The following PATJ variants were observed in gnomAD, a reference collection of about 807,000 sequenced individuals.
PATJ encodes the protein PATJ crumbs cell polarity complex component, also known as inaD-like protein.
Under a neutral mutation model 224.9 loss-of-function variants are expected in PATJ, and 190 were observed. That is an observed-to-expected ratio of 0.84 (90% CI 0.75 to 0.95). PATJ has a LOEUF of 0.95. Among genes scored for constraint, PATJ ranks in the 40% least tolerant of loss-of-function variants. The pLI, the probability that PATJ is intolerant of heterozygous loss-of-function variation, is 0.00. For missense variants in PATJ, 2,121 were observed against 2,270.3 expected (o/e 0.93, Z 1.34); for synonymous variants, 769 against 820.3 (o/e 0.94, Z 1.07).
chr1:62,038,026 T>C lies in PATJ; in HGVS notation c.4009T>C (p.Ser1337Pro), dbSNP rs1650768536. The change falls in exon 30 of 44, where the codon TCA (serine) becomes CCA (proline). Residue 1337 changes from serine to proline, a missense_variant. Coordinates refer to ENST00000642238, the MANE Select transcript of PATJ (RefSeq NM_001350145.3). Reference sequence around the variant, plus strand: ...GGCCGTTACTCCCTTTCCAGTGCCATCAAGTTCTCCATCTTCTATTGAGGT... The same window carrying C: ...GGCCGTTACTCCCTTTCCAGTGCCACCAAGTTCTCCATCTTCTATTGAGGT... ...QMAVTPFPVPSSSPSSIEDQS... is the reference protein window; with the variant it reads ...QMAVTPFPVPPSSPSSIEDQS... The C allele has an allele frequency of 1.3e-6, 2 of 1,597,784 alleles. No individual in the cohort carries two copies. Among genetic ancestry groups the C allele is most frequent in the African/African-American group, 2.7e-5 (2 of 74,466 alleles).
intron 41 of PATJ, among the ~76,000 whole-genome samples, chr1:62,131,205 A>T (rs1375941535): frequency 6.6e-6 from 1 of 152,164 alleles, no homozygotes; most frequent in South Asian, 2.1e-4. Flanking sequence ...GTGGAAACCT[A>T]CACAGTTAAC....
At position 61,808,496 on chromosome 1, in the gene PATJ, T is replaced by A; in HGVS notation, c.1649T>A (p.Ile550Asn). Reference sequence around the variant, plus strand: ...TAGGTTGCTACTTTGGACACACAGATTGCAGATGATGCTGAGTTACAGAAA... The same window carrying A: ...TAGGTTGCTACTTTGGACACACAGAATGCAGATGATGCTGAGTTACAGAAA... ...EVMVATLDTQ[I>N]ADDAELQKYS... Residue 550 changes from isoleucine to asparagine, a missense_variant, in exon 14 of 44, where the codon ATT (isoleucine) becomes AAT (asparagine). Coordinates refer to ENST00000642238, the MANE Select transcript of PATJ (RefSeq NM_001350145.3). 6.2e-7 allele frequency: 1 copy of A among 1,608,416 alleles called. No individual in the cohort carries two copies. The highest frequency in any genetic ancestry group is 8.5e-7 in the Non-Finnish European group (1 of 1,175,640).
intron 34 of PATJ, 65 bp from the exon 35 acceptor site, chr1:62,113,979 AAGGAGATTC>A: frequency 7.0e-7 from 1 of 1,425,116 alleles, no homozygotes; most frequent in Non-Finnish European, 9.7e-7. Context: ...TGGTTAGATC[AAGGAGATTC>A]AGCAGACAGA....
intron 14 of PATJ, among the ~76,000 whole-genome samples, chr1:61,814,185 C>T (rs1655562849): frequency 7.3e-6 from 1 of 136,632 alleles, no homozygotes; most frequent in Non-Finnish European, 1.5e-5. Flanking sequence ...GCTCTGTTGC[C>T]TAGGTTGGAG....
At chr1:61,743,491 T>C (rs1644866136) in intron 1 of PATJ, among the ~76,000 whole-genome samples, 1 of 152,160 alleles carries the variant, frequency 6.6e-6, no homozygotes, top group Non-Finnish European at 1.5e-5. Flanking sequence ...GGTCTGGCTA[T>C]TGGTAGGTGC....
intron 17 of PATJ, among the ~76,000 whole-genome samples, chr1:61,845,141 G>C (rs930651630): frequency 3.9e-5 from 6 of 152,134 alleles, no homozygotes; most frequent in Admixed American, 3.3e-4. Context: ...GGGGACTACT[G>C]TACTCTGTGT....
intron 27 of PATJ, among the ~76,000 whole-genome samples, chr1:61,971,997 T>C (rs1215985188): frequency 6.6e-6 from 1 of 151,790 alleles, no homozygotes; most frequent in Admixed American, 6.6e-5. Context: ...TCAAAATAAA[T>C]AAATAAATAA....
At chr1:61,767,345 G>T (rs932385008) in intron 4 of PATJ, among the ~76,000 whole-genome samples, 6 of 151,962 alleles carry the variant, frequency 3.9e-5, no homozygotes, top group African/African-American at 1.5e-4. Context: ...ACCAGCCTGG[G>T]CAATGTAGGG....
chr1:61,788,736 A>C (rs1031345493), intron 8 of PATJ, among the ~76,000 whole-genome samples: 7 of 152,228 alleles, frequency 4.6e-5, no homozygotes, highest in African/African-American at 1.7e-4. Flanking sequence ...GTGCAGTGGC[A>C]CTATCTTGGC....
chr1:61,973,247 G>A (rs1196003100), intron 27 of PATJ, among the ~76,000 whole-genome samples: 1 of 151,868 alleles, frequency 6.6e-6, no homozygotes, highest in African/African-American at 2.4e-5. Flanking sequence ...GTGGGGCTGC[G>A]AGCAATAAAT....
At chr1:61,881,646 A>G (rs1163837070) in intron 21 of PATJ, among the ~76,000 whole-genome samples, 1 of 152,066 alleles carries the variant, frequency 6.6e-6, no homozygotes. Context: ...TCCTGACCTC[A>G]GGTGATCCAC....
intron 18 of PATJ, among the ~76,000 whole-genome samples, chr1:61,860,506 T>C (rs1040933312): frequency 9.2e-5 from 14 of 152,168 alleles, no homozygotes; most frequent in African/African-American, 3.4e-4. Context: ...TTCAACCTCA[T>C]CAGCTTCCAC....
intron 24 of PATJ, 121 bp downstream of exon 24, chr1:61,901,580 A>G: frequency 1.5e-6 from 1 of 646,494 alleles, no homozygotes; most frequent in South Asian, 2.1e-5. Flanking sequence ...GGTGTGCTCT[A>G]TTTATATGCC....
At chr1:61,759,684 TG>T (rs1431062863) in intron 1 of PATJ, among the ~76,000 whole-genome samples, 1 of 152,172 alleles carries the variant, frequency 6.6e-6, no homozygotes, top group African/African-American at 2.4e-5. Context: ...GTGGGATTAC[TG>T]GCGTGAGCCA....
At chr1:61,871,510 C>T (rs12735703) in intron 20 of PATJ, among the ~76,000 whole-genome samples, 53,298 of 83,574 alleles carry the variant, frequency 0.64, 13,728 homozygotes, top group Non-Finnish European at 0.67. Flanking sequence ...TACATATATA[C>T]GCATATATAT....
chr1:61,846,167 G>T (rs1661917032), intron 17 of PATJ: 2 of 152,126 alleles, frequency 1.3e-5, no homozygotes, highest in Non-Finnish European at 2.9e-5. Flanking sequence ...TGATGGAAAA[G>T]AAGTTATTAC....
chr1:61,813,400 TAC>T (rs1655369422), intron 14 of PATJ, among the ~76,000 whole-genome samples: 1 of 122,426 alleles, frequency 8.2e-6, no homozygotes, highest in South Asian at 2.9e-4. Context: ...CACACACACA[TAC>T]ACACATATAC....
intron 7 of PATJ, among the ~76,000 whole-genome samples, chr1:61,777,148 G>A (rs1646960419): frequency 6.6e-6 from 1 of 152,204 alleles, no homozygotes; most frequent in Admixed American, 6.5e-5. Context: ...ATGTGAACCT[G>A]TTATTTCAAG....
At chr1:62,135,431 G>T (rs1666728042) in intron 41 of PATJ, among the ~76,000 whole-genome samples, 1 of 144,584 alleles carries the variant, frequency 6.9e-6, no homozygotes, top group South Asian at 2.2e-4. Context: ...CAGGAGAATT[G>T]CTTGAACTCG....
Sources: allele counts gnomAD v4.1 joint callset (sites outside exome capture counted in the v4.1 genomes callset), GRCh38; gene constraint gnomAD v4.1.1; transcripts MANE v1.5; gene names NCBI Gene and HGNC (gene_info 2026-07-23, HGNC 2026-07-21).